XCR1: variants seen among roughly 807,000 people sequenced by gnomAD.
The protein encoded by XCR1 is chemokine XC receptor 1.
For synonymous variants in XCR1, 187 were observed against 188.5 expected (o/e 0.99, Z 0.06); for missense variants, 356 against 424.2 (o/e 0.84, Z 1.41).
chr3:46,046,825 G>T (rs112558860), intron 5 of XCR1, among the ~76,000 whole-genome samples: 2,160 of 152,292 alleles, frequency 0.014, 53 homozygotes, highest in African/African-American at 0.048. Flanking sequence ...AAACTCTTGA[G>T]TTTGCCTATT....
At chr3:46,053,446 C>A (rs961649698) in intron 5 of XCR1, among the ~76,000 whole-genome samples, 4 of 151,824 alleles carry the variant, frequency 2.6e-5, no homozygotes, top group Admixed American at 2.0e-4. Context: ...CTGGAGGGGG[C>A]GGTATAGGCC....
intron 5 of XCR1, among the ~76,000 whole-genome samples, chr3:46,043,300 C>T (rs1290135721): frequency 6.6e-6 from 1 of 151,708 alleles, no homozygotes; most frequent in East Asian, 1.9e-4. Flanking sequence ...AATTAGCCAA[C>T]ACGGTGGTCT....
Position 46,021,211 on chromosome 3 carries a change from A to G in XCR1, c.737T>C (p.Phe246Ser), listed in dbSNP as rs1304424288. ...CTGGGTCCGAAACAGCGTCTGCAGAAACAGGGTGAAGTTGTAGGGACCCCA... is the reference window on the plus strand; with the variant it reads ...CTGGGTCCGAAACAGCGTCTGCAGAGACAGGGTGAAGTTGTAGGGACCCCA... ...LSWGPYNFTL[F>S]LQTLFRTQII... The change falls in exon 2 of 2, where the codon TTT becomes TCT. Residue 246 changes from phenylalanine to serine, a missense_variant. Phe to Ser is a radical substitution (Grantham distance 155). Transcript: ENST00000309285. The surrounding 1 kb of genome is among the most constrained non-coding windows in gnomAD (Gnocchi z 4.7). 6.2e-7 allele frequency: 1 copy of G among 1,614,202 alleles called. No individual in the cohort carries two copies. The highest frequency in any genetic ancestry group is 1.7e-5 in the Admixed American group (1 of 60,028).
intron 5 of XCR1, among the ~76,000 whole-genome samples, chr3:46,045,827 A>G (rs1022959379): frequency 6.6e-6 from 1 of 152,216 alleles, no homozygotes; most frequent in Non-Finnish European, 1.5e-5. Context: ...AAAGAACCAA[A>G]CATAAAGCTA....
At chr3:46,023,691 G>GA (rs1410549703) in intron 1 of XCR1, 12 of 1,497,414 alleles carry the variant, frequency 8.0e-6, no homozygotes, top group Non-Finnish European at 1.1e-5. Context: ...AGATTCAGGG[G>GA]ATCTTTGACA....
chr3:46,050,699 G>A (rs1307393767), intron 5 of XCR1, among the ~76,000 whole-genome samples: 1 of 152,130 alleles, frequency 6.6e-6, no homozygotes, highest in African/African-American at 2.4e-5. Context: ...AGTGAGACAC[G>A]TTCTCTTTGA....
At chr3:46,074,413 T>G (rs1698218881) in intron 3 of XCR1, among the ~76,000 whole-genome samples, 1 of 151,922 alleles carries the variant, frequency 6.6e-6, no homozygotes, top group Admixed American at 6.6e-5. Flanking sequence ...AGCTAAATAA[T>G]GTATACACAT....
chr3:46,050,596 A>T lies in XCR1; in HGVS notation c.-32+3324T>A, dbSNP rs78396475. ...AAATGAATGATATACGCAGTGGGAA[A>T]CATATTTTGAGGCTCCTTTAATGCT... On this transcript the variant is annotated intron_variant, in intron 5 of 5. Coordinates refer to the XCR1 transcript ENST00000683768. Among the ~76,000 whole-genome samples, 1,013 of 152,326 alleles carry T rather than the reference A, an allele frequency of 6.7e-3. 3 individuals carry two copies. The highest frequency in any genetic ancestry group is 0.014 in the South Asian group (70 of 4,828).
At chr3:46,044,233 C>G (rs1270630639) in intron 5 of XCR1, among the ~76,000 whole-genome samples, 1 of 152,182 alleles carries the variant, frequency 6.6e-6, no homozygotes, top group African/African-American at 2.4e-5. Flanking sequence ...GTGATCTGCT[C>G]TCTTTGGCCT....
intron 4 of XCR1, among the ~76,000 whole-genome samples, chr3:46,063,934 A>T (rs1052355838): frequency 6.6e-6 from 1 of 152,144 alleles, no homozygotes; most frequent in Non-Finnish European, 1.5e-5. Flanking sequence ...CAGAGGTGCA[A>T]TTATGGCTCA....
intron 5 of XCR1, among the ~76,000 whole-genome samples, chr3:46,052,392 A>G (rs986345606): frequency 2.6e-5 from 4 of 152,136 alleles, no homozygotes; most frequent in African/African-American, 7.2e-5. Context: ...GGGGGGTGCC[A>G]TTCTGATGAA....
intron 4 of XCR1, among the ~76,000 whole-genome samples, chr3:46,054,098 TA>T (rs1254208001): frequency 6.6e-6 from 1 of 152,038 alleles, no homozygotes; most frequent in South Asian, 2.1e-4. Context: ...AACGCGGGAA[TA>T]AAAGACAAAG....
chr3:46,046,781 C>T (rs1400274803), intron 5 of XCR1, among the ~76,000 whole-genome samples: 1 of 152,134 alleles, frequency 6.6e-6, no homozygotes, highest in Non-Finnish European at 1.5e-5. Flanking sequence ...TCCAGGCCTT[C>T]CTGGAATTTG....
intron 5 of XCR1, among the ~76,000 whole-genome samples, chr3:46,039,940 C>A (rs1005816069): frequency 2.0e-5 from 3 of 152,054 alleles, no homozygotes; most frequent in African/African-American, 7.2e-5. Context: ...TAAAAGGTTA[C>A]AAAAGGTTTA....
intron 5 of XCR1, among the ~76,000 whole-genome samples, chr3:46,049,686 A>G (rs1697703116): frequency 6.6e-6 from 1 of 152,200 alleles, no homozygotes; most frequent in Non-Finnish European, 1.5e-5. Context: ...TTGTTTGAGT[A>G]TGTTTTGGTC....
At chr3:46,069,834 C>G (rs768644350) in intron 3 of XCR1, among the ~76,000 whole-genome samples, 1 of 150,548 alleles carries the variant, frequency 6.6e-6, no homozygotes, top group South Asian at 2.1e-4. Flanking sequence ...TTTTCTTCTG[C>G]TAGTTTTGGG....
Position 46,020,667 on chromosome 3 carries a change from AACACATGTCTAAAT to A in XCR1, c.*265_*278del. 4.1e-6 allele frequency: 2 copies of A among 489,950 alleles called. No homozygotes were observed. 30.4% of individuals were successfully genotyped at this position (489,950 alleles called of 1,614,324 possible). On this transcript the variant is annotated 3_prime_UTR_variant, in exon 2 of 2. Transcript: ENST00000309285. Reference sequence around the variant, plus strand: ...CCTTCTGAACTAAACAGTGATTAGAAACACATGTCTAAATGAAGGAGCGTGCAAGATGAACTCAG... The same window carrying A: ...CCTTCTGAACTAAACAGTGATTAGAAGAAGGAGCGTGCAAGATGAACTCAG...
chr3:46,061,065 A>G (rs1430667522), intron 4 of XCR1, among the ~76,000 whole-genome samples: 2 of 152,190 alleles, frequency 1.3e-5, no homozygotes, highest in Non-Finnish European at 2.9e-5. Flanking sequence ...TTACTATTTT[A>G]TTTTTTATTT....
intron 5 of XCR1, among the ~76,000 whole-genome samples, chr3:46,041,973 C>T (rs1697543844): frequency 6.6e-6 from 1 of 152,244 alleles, no homozygotes; most frequent in South Asian, 2.1e-4. Context: ...ACCCAATTAA[C>T]ACCTTCTTCC....
Sources: gnomAD v4.1 joint callset for allele counts (sites outside exome capture counted in the v4.1 genomes callset) on GRCh38, gnomAD v4.1.1 for gene constraint, Gnocchi (gnomAD v3.1) non-coding constraint, MANE v1.5 for transcripts, NCBI Gene and HGNC (gene_info 2026-07-23, HGNC 2026-07-21) for gene names.